Variants in CDHR1 observed in about 807,000 individuals in gnomAD.
CDHR1 encodes the protein cadherin related family member 1.
Under a neutral mutation model 72.1 loss-of-function variants are expected in CDHR1, and 61 were observed. The observed-to-expected ratio is 0.85, with a 90% CI of 0.69 to 1.05. The LOEUF (loss-of-function observed/expected upper bound fraction) is 1.05, where lower values mean the gene tolerates loss of function less well. CDHR1 is among the 50% of genes least tolerant of loss of function. The pLI is 0.00. For synonymous variants in CDHR1, 470 were observed against 448.1 expected (o/e 1.05, Z -0.62); for missense variants, 1,186 against 1,115.7 (o/e 1.06, Z -0.90).
At chr10:84,212,153 C>A in intron 14 of CDHR1, 26 bp from the exon 15 acceptor site, 1 of 1,573,258 alleles carries the variant, frequency 6.4e-7, no homozygotes, top group Non-Finnish European at 8.7e-7. Flanking sequence ...GCGTGCACAC[C>A]CATGCCTATG....
Position 84,215,611 on chromosome 10 carries a change from A to C in CDHR1, c.*990A>C, listed in dbSNP as rs1439994310. The C allele has an allele frequency of 2.6e-5, 24 of 924,058 alleles. No homozygotes were observed. Among genetic ancestry groups the C allele is most frequent in the Non-Finnish European group, 3.1e-5 (24 of 774,094 alleles). The allele number at this position is 924,058 out of a possible 1,614,324, so 57.2% of individuals were successfully genotyped here. On this transcript the variant is annotated 3_prime_UTR_variant, in exon 17 of 17. Coordinates refer to ENST00000623527, the MANE Select transcript of CDHR1 (RefSeq NM_033100.4). ...GAAGAAAGTAGGCCCTGTCTACCTC[A>C]CATGCAGGTCTAGGGTGAGGATTGA...
intron 10 of CDHR1, 152 bp downstream of exon 10, chr10:84,206,079 C>T: frequency 3.1e-6 from 2 of 649,740 alleles, no homozygotes; most frequent in Admixed American, 4.3e-5. Flanking sequence ...CATGAATTCA[C>T]AAACAGGGAG....
At chr10:84,219,097 A>T (rs1245916451), downstream of CDHR1, 5 of 1,205,470 alleles carry the variant, frequency 4.1e-6, no homozygotes, top group East Asian at 1.3e-4. Flanking sequence ...ACTAAGGTAC[A>T]TGAAAAATAG....
chr10:84,213,132 C>G lies in CDHR1; in HGVS notation c.1824C>G (p.Asp608Glu), dbSNP rs1163042932. The change falls in exon 16 of 17, where the codon GAC (aspartate) becomes GAG (glutamate). Residue 608 changes from aspartate (D) to glutamate (E), a missense_variant. Transcript: ENST00000623527. ...EDAEEPNNLV[D>E]YSITHAEPAN... is the part of the protein sequence containing the mutation. ...CAGAGGAACCCAACAACCTGGTGGA[C>G]TATTCCATCACCCATGCAGAGCCCG... The G allele has an allele frequency of 3.7e-6, 6 of 1,614,122 alleles. No homozygotes were observed. The highest frequency in any genetic ancestry group is 5.1e-6 in the Non-Finnish European group (6 of 1,180,048).
chr10:84,211,559 T>C (rs1842331713), intron 13 of CDHR1, 89 bp from the exon 14 acceptor site: 1 of 1,202,126 alleles, frequency 8.3e-7, no homozygotes, highest in Non-Finnish European at 1.2e-6. Context: ...TCCCCTTGCT[T>C]TGTGGTTGAA....
chr10:84,211,140 G>A lies in CDHR1; in HGVS notation c.1460G>A (p.Gly487Glu), dbSNP rs764312558. ...GCCAGGATTCCTGAGAACGCCCCAG[G>A]GGGCTCCAGCGTGGTGGCTGTCACA... ...YVARIPENAPGGSSVVAVTAV... is the reference protein window; with the variant it reads ...YVARIPENAPEGSSVVAVTAV... The change falls in exon 13 of 17, where the codon GGG becomes GAG. Residue 487 changes from glycine to glutamate, a missense_variant. Gly to Glu is a moderately conservative substitution (Grantham distance 98). Coordinates refer to ENST00000623527, the MANE Select transcript of CDHR1 (RefSeq NM_033100.4). 1.2e-6 allele frequency: 2 copies of A among 1,614,230 alleles called. No individual in the cohort carries two copies. The highest frequency in any genetic ancestry group is 1.3e-5 in the African/African-American group (1 of 75,066).
At position 84,213,267 on chromosome 10, in the gene CDHR1, C is replaced by T; in HGVS notation, c.1959C>T (p.Ser653=). The part of the protein sequence containing the change: ...NITPGRDCLW[S]LEVQAKDRGS... ...CACCTGGAAGGGACTGCCTATGGTCCCTAGAGGTGCAGGCCAAGGACCGGG... is the reference window on the plus strand; with the variant it reads ...CACCTGGAAGGGACTGCCTATGGTCTCTAGAGGTGCAGGCCAAGGACCGGG... Residue 653 remains serine (S), a synonymous_variant, in exon 16 of 17, where the codon TCC becomes TCT. Transcript: ENST00000623527. The T allele has an allele frequency of 3.1e-6, 5 of 1,614,236 alleles. No individual in the cohort carries two copies. The highest frequency in any genetic ancestry group is 4.2e-6 in the Non-Finnish European group (5 of 1,180,044).
chr10:84,204,603 A>G lies in CDHR1; in HGVS notation c.860A>G (p.Asn287Ser). The change falls in exon 9 of 17, where the codon AAT (asparagine) becomes AGT (serine). Residue 287 changes from asparagine (N) to serine (S), a missense_variant and splice_region_variant. Transcript: ENST00000623527. ...KPNRILYSLVNGNDGAFEINE... is the reference protein window; with the variant it reads ...KPNRILYSLVSGNDGAFEINE... ...AATCGAATTCTCTACAGCCTTGTAA[A>G]TGGTGAGTCTGAGCAGCTTTGGGGG... The G allele has an allele frequency of 6.2e-7, 1 of 1,611,498 alleles. No individual in the cohort carries two copies. The highest frequency in any genetic ancestry group is 8.5e-7 in the Non-Finnish European group (1 of 1,177,614).
rs769839182 is a variant in CDHR1 at position 84,213,117 on chromosome 10, C to T, written c.1809C>T (p.Pro603=). Residue 603 remains proline (P), a synonymous_variant, in exon 16 of 17, where the codon CCC becomes CCT. Coordinates refer to ENST00000623527, the MANE Select transcript of CDHR1 (RefSeq NM_033100.4). ...IEAIDEDAEE[P]NNLVDYSITH... Reference sequence around the variant, plus strand: ...CCATAGACGAGGATGCAGAGGAACCCAACAACCTGGTGGACTATTCCATCA... The same window carrying T: ...CCATAGACGAGGATGCAGAGGAACCTAACAACCTGGTGGACTATTCCATCA... 18 of 1,614,230 alleles carry T rather than the reference C, an allele frequency of 1.1e-5. No individual in the cohort carries two copies. The highest frequency in any genetic ancestry group is 1.4e-5 in the Non-Finnish European group (17 of 1,180,046).
chr10:84,219,605 G>A (rs1842478327), downstream of CDHR1: 1 of 219,896 alleles, frequency 4.5e-6, no homozygotes, highest in African/African-American at 2.3e-5. Flanking sequence ...CCGAGACTGG[G>A]TAATTTATAG....
Position 84,201,910 on chromosome 10 carries a change from T to A in CDHR1, c.629T>A (p.Val210Glu). The A allele has an allele frequency of 6.2e-7, 1 of 1,604,884 alleles. No individual in the cohort carries two copies. Among genetic ancestry groups the A allele is most frequent in the Non-Finnish European group, 8.5e-7 (1 of 1,179,574 alleles). ...YERSRTHYITVVAKDGGGRLH... is the reference protein window; with the variant it reads ...YERSRTHYITEVAKDGGGRLH... ...AGGTCCCGGACCCACTACATCACCG[T>A]GGTCGCCAAGGTAACACAGCAGGAC... The change falls in exon 7 of 17, where the codon GTG (valine) becomes GAG (glutamate). Residue 210 changes from valine (V) to glutamate (E), a missense_variant. Physicochemically the swap from Val to Glu is moderately radical, Grantham distance 121. Transcript: ENST00000623527.
At chr10:84,198,345 TGGCG>T (rs1378373254) in intron 4 of CDHR1, among the ~76,000 whole-genome samples, 13 of 152,354 alleles carry the variant, frequency 8.5e-5, no homozygotes, top group Non-Finnish European at 1.5e-5. Flanking sequence ...CCTCCGCCAC[TGGCG>T]GGATGAAAAT....
At chr10:84,205,511 T>C (rs1842207414) in intron 9 of CDHR1, among the ~76,000 whole-genome samples, 1 of 91,258 alleles carries the variant, frequency 1.1e-5, no homozygotes, top group African/African-American at 5.3e-5. Context: ...CTTTCTCTTT[T>C]CTTCACACAC....
intron 8 of CDHR1, among the ~76,000 whole-genome samples, chr10:84,204,278 G>A (rs1842183603): frequency 6.6e-6 from 1 of 152,096 alleles, no homozygotes; most frequent in African/African-American, 2.4e-5. Context: ...GAGAATCCCT[G>A]GGCAGCACAG....
chr10:84,213,131 A>T lies in CDHR1; in HGVS notation c.1823A>T (p.Asp608Val), dbSNP rs749093293. 8 of 1,614,222 alleles carry T rather than the reference A, an allele frequency of 5.0e-6. No homozygotes were observed. The highest frequency in any genetic ancestry group is 2.2e-5 in the South Asian group (2 of 91,080). ...GCAGAGGAACCCAACAACCTGGTGG[A>T]CTATTCCATCACCCATGCAGAGCCC... ...EDAEEPNNLVDYSITHAEPAN... is the reference protein window; with the variant it reads ...EDAEEPNNLVVYSITHAEPAN... Residue 608 changes from aspartate (D) to valine (V), a missense_variant, in exon 16 of 17, where the codon GAC becomes GTC. Physicochemically the swap from Asp to Val is radical, Grantham distance 152. Coordinates refer to ENST00000623527, the MANE Select transcript of CDHR1 (RefSeq NM_033100.4).
intron 12 of CDHR1, among the ~76,000 whole-genome samples, chr10:84,209,577 G>GA (rs1448671959): frequency 8.3e-5 from 12 of 143,894 alleles, no homozygotes; most frequent in African/African-American, 2.0e-4. Flanking sequence ...TAGAAAGGAG[G>GA]AAAAAAGACA....
At position 84,205,733 on chromosome 10, in the gene CDHR1, CT is replaced by C. The variant is rs368592166; in HGVS notation, c.863-92del. ...ATGACAGGATTCCATTCTATGAAGA[CT>C]TCCCTAGGCAATGCAGGACGATCCT... On this transcript the variant is annotated intron_variant, in intron 9 of 16. Transcript: ENST00000623527. 2.0e-3 allele frequency: 1,639 copies of C among 809,736 alleles called. 17 individuals carry two copies. Among genetic ancestry groups the C allele is most frequent in the South Asian group, 0.013 (932 of 70,048 alleles). 50.2% of individuals were successfully genotyped at this position (809,736 alleles called of 1,614,324 possible). A position where few individuals can be genotyped will look rare whatever the true frequency, so the allele number is the denominator to read the frequency against.
intron 4 of CDHR1, 82 bp from the exon 5 acceptor site, chr10:84,198,950 A>C (rs994620627): frequency 1.3e-5 from 13 of 1,001,768 alleles, no homozygotes; most frequent in African/African-American, 4.8e-5. Flanking sequence ...AGACGTGTAC[A>C]TTGGAGTGAT....
chr10:84,203,838 A>C (rs760295576), intron 8 of CDHR1, among the ~76,000 whole-genome samples: 7 of 152,178 alleles, frequency 4.6e-5, no homozygotes, highest in Non-Finnish European at 1.0e-4. Context: ...GGGCCAGCGT[A>C]GGCCCAGGCC....
Sources: gnomAD v4.1 joint callset for allele counts (sites outside exome capture counted in the v4.1 genomes callset) on GRCh38, gnomAD v4.1.1 for gene constraint, MANE v1.5 for transcripts, NCBI Gene and HGNC (gene_info 2026-07-23, HGNC 2026-07-21) for gene names.